Variants in GPR19 observed in about 807,000 individuals in gnomAD.
The protein encoded by GPR19 is G protein-coupled receptor 19.
Under a neutral mutation model 28.5 loss-of-function variants are expected in GPR19, and 14 were observed. The observed-to-expected ratio is 0.49, with a 90% confidence interval of 0.32 to 0.77. GPR19 has a LOEUF of 0.77. Among genes scored for constraint, GPR19 ranks in the 30% least tolerant of loss-of-function variants. The pLI is 0.03. For synonymous variants in GPR19, 173 were observed against 184.1 expected (o/e 0.94, Z 0.49); for missense variants, 409 against 504.1 (o/e 0.81, Z 1.81).
At chr12:12,697,331 T>A (rs1328869400), upstream of GPR19, among the ~76,000 whole-genome samples, 1 of 151,720 alleles carries the variant, frequency 6.6e-6, no homozygotes, top group Non-Finnish European at 1.5e-5. Flanking sequence ...AAATGAGATC[T>A]GATGGAAACT....
chr12:12,703,960 A>T, the GPR19 span, among the ~76,000 whole-genome samples: 6 of 152,198 alleles, frequency 3.9e-5, no homozygotes, highest in African/African-American at 1.4e-4. Context: ...AAGATTAAAG[A>T]CTAAATAGAT....
At chr12:12,677,445 T>A (rs1169334841) in intron 3 of GPR19, among the ~76,000 whole-genome samples, 1 of 152,084 alleles carries the variant, frequency 6.6e-6, no homozygotes, top group Non-Finnish European at 1.5e-5. Context: ...ATTTGCTCTA[T>A]TATTTGAGAA....
chr12:12,698,900 G>C (rs1446365987), upstream of GPR19, among the ~76,000 whole-genome samples: 1 of 152,066 alleles, frequency 6.6e-6, no homozygotes, highest in Non-Finnish European at 1.5e-5. Context: ...ATGAGCCACT[G>C]TGCCCAGCCC....
At chr12:12,710,376 C>T in the GPR19 span, among the ~76,000 whole-genome samples, 3 of 150,228 alleles carry the variant, frequency 2.0e-5, no homozygotes, top group Non-Finnish European at 4.4e-5. Flanking sequence ...AAAAATACCA[C>T]ATGCATCCTT....
chr12:12,692,855 C>A (rs1396556069), intron 2 of GPR19, among the ~76,000 whole-genome samples: 1 of 152,146 alleles, frequency 6.6e-6, no homozygotes, highest in Non-Finnish European at 1.5e-5. Flanking sequence ...CCCATAAAAA[C>A]CTTTAAAGAC....
the GPR19 span, chr12:12,717,100 T>G: frequency 2.0e-6 from 2 of 1,009,312 alleles, no homozygotes; most frequent in Non-Finnish European, 1.2e-6. Context: ...TTCCCGGCCG[T>G]TTGGCTAGTT....
At chr12:12,710,839 C>A in the GPR19 span, among the ~76,000 whole-genome samples, 1 of 152,172 alleles carries the variant, frequency 6.6e-6, no homozygotes, top group African/African-American at 2.4e-5. Context: ...CTGTGCCTGG[C>A]CTTCTGTAGC....
intron 3 of GPR19, among the ~76,000 whole-genome samples, chr12:12,678,380 A>T (rs1253238017): frequency 6.6e-6 from 1 of 152,228 alleles, no homozygotes; most frequent in African/African-American, 2.4e-5. Flanking sequence ...ATATATTTTG[A>T]CACCTTTGTT....
At chr12:12,711,848 G>T in the GPR19 span, among the ~76,000 whole-genome samples, 3 of 152,062 alleles carry the variant, frequency 2.0e-5, no homozygotes, top group South Asian at 4.1e-4. Context: ...CCTCTTATAT[G>T]TTCCAGCTAC....
At chr12:12,666,757 C>T (rs527926933) in intron 3 of GPR19, among the ~76,000 whole-genome samples, 5 of 152,352 alleles carry the variant, frequency 3.3e-5, no homozygotes, top group African/African-American at 9.6e-5. Flanking sequence ...ATGACTCTTA[C>T]TCTATGTGCC....
At position 12,661,627 on chromosome 12, in the gene GPR19, A is replaced by G. The variant is rs138092670; in HGVS notation, c.822T>C (p.Thr274=). 146 of 1,614,070 alleles carry G rather than the reference A, an allele frequency of 9.0e-5. 1 individual carries two copies. The African/African-American group carries it at 1.3e-3, about 15-fold the overall frequency. The change falls in exon 4 of 4, where the codon ACT becomes ACC. Residue 274 remains threonine, a synonymous_variant. Coordinates refer to ENST00000651487, the MANE Select transcript of GPR19 (RefSeq NM_006143.3). This position sits in a 1 kb window ranked among gnomAD's most constrained non-coding sequence, Gnocchi z 4.2. The part of the protein sequence containing the change: ...MNIVPRTKVK[T]IKMFLILNLL... ...GATTTAAAATGAGGAACATCTTGAT[A>G]GTTTTCACTTTTGTCCGAGGGACAA...
intron 2 of GPR19, among the ~76,000 whole-genome samples, chr12:12,695,181 AG>A (rs1203398457): frequency 1.3e-5 from 2 of 152,182 alleles, no homozygotes; most frequent in African/African-American, 4.8e-5. Flanking sequence ...TACTCCAGAT[AG>A]TATACAAAGA....
At chr12:12,681,122 T>G (rs963084744) in intron 3 of GPR19, among the ~76,000 whole-genome samples, 3 of 152,156 alleles carry the variant, frequency 2.0e-5, no homozygotes, top group African/African-American at 7.2e-5. Flanking sequence ...TAAGCCATCC[T>G]CTCAGCACAA....
intron 2 of GPR19, among the ~76,000 whole-genome samples, chr12:12,685,475 T>A (rs74061754): frequency 0.029 from 4,387 of 152,180 alleles, 206 homozygotes; most frequent in African/African-American, 0.099. Flanking sequence ...TTGTGCAGGG[T>A]CTATCCTGCT....
At chr12:12,694,895 A>G (rs1946240409) in intron 2 of GPR19, among the ~76,000 whole-genome samples, 1 of 152,124 alleles carries the variant, frequency 6.6e-6, no homozygotes, top group Non-Finnish European at 1.5e-5. Flanking sequence ...GCATTTTCCT[A>G]TGCACTTCAC....
At chr12:12,685,549 C>A (rs1000533122) in intron 2 of GPR19, among the ~76,000 whole-genome samples, 1 of 152,030 alleles carries the variant, frequency 6.6e-6, no homozygotes, top group African/African-American at 2.4e-5. Flanking sequence ...CTTTTAAAAC[C>A]GGTCGCCATG....
chr12:12,699,927 A>G (rs1356911337), upstream of GPR19, among the ~76,000 whole-genome samples: 1 of 152,096 alleles, frequency 6.6e-6, no homozygotes, highest in Non-Finnish European at 1.5e-5. Context: ...ATGTTCTCAT[A>G]TGAAATGTTT....
chr12:12,694,616 C>A (rs1407313718), intron 2 of GPR19, among the ~76,000 whole-genome samples: 11 of 152,126 alleles, frequency 7.2e-5, no homozygotes, highest in Non-Finnish European at 1.6e-4. Flanking sequence ...TTCTATGCTA[C>A]CTCATTTTGT....
the GPR19 span, among the ~76,000 whole-genome samples, chr12:12,701,653 A>C: frequency 6.6e-6 from 1 of 152,194 alleles, no homozygotes; most frequent in Admixed American, 6.5e-5. Context: ...TTCAAAGGCC[A>C]GGCCAGGTGG....
Sources: gnomAD v4.1 joint callset for allele counts (sites outside exome capture counted in the v4.1 genomes callset) on GRCh38, gnomAD v4.1.1 for gene constraint, Gnocchi (gnomAD v3.1) non-coding constraint, MANE v1.5 for transcripts, NCBI Gene and HGNC (gene_info 2026-07-23, HGNC 2026-07-21) for gene names.